The following RARB variants were observed in gnomAD, a reference collection of about 807,000 sequenced individuals.
RARB encodes the protein retinoic acid receptor beta.
Under a neutral mutation model 51.9 loss-of-function variants are expected in RARB, and 17 were observed. That is an observed-to-expected ratio of 0.33 (90% CI 0.22 to 0.49). The LOEUF (loss-of-function observed/expected upper bound fraction) is 0.49. RARB is among the 20% of genes least tolerant of loss of function. The probability of loss-of-function intolerance (pLI) is 0.99; values close to 1 mark genes in which losing one functional copy is unlikely to be tolerated. For synonymous variants in RARB, 215 were observed against 195.4 expected (o/e 1.10, Z -0.84); for missense variants, 369 against 550.8 (o/e 0.67, Z 3.30).
intron 4 of RARB, among the ~76,000 whole-genome samples, chr3:25,143,856 A>G (rs978970604): frequency 3.3e-5 from 5 of 152,152 alleles, no homozygotes; most frequent in Non-Finnish European, 7.3e-5. Context: ...AAATGAAGTG[A>G]TGTGTGAAAA....
chr3:25,170,212 G>A (rs115529591), intron 4 of RARB, among the ~76,000 whole-genome samples: 2,618 of 152,196 alleles, frequency 0.017, 35 homozygotes, highest in Middle Eastern at 0.045. Flanking sequence ...ATTCTCTGTG[G>A]CTGCTTTTGT....
At chr3:25,142,919 C>T (rs1700132996) in intron 4 of RARB, among the ~76,000 whole-genome samples, 1 of 152,008 alleles carries the variant, frequency 6.6e-6, no homozygotes, top group Non-Finnish European at 1.5e-5. Context: ...GATGGCTGAT[C>T]CAGTCTCAGA....
intron 2 of RARB, among the ~76,000 whole-genome samples, chr3:25,496,396 A>T (rs1697035299): frequency 6.6e-6 from 1 of 152,164 alleles, no homozygotes; most frequent in Non-Finnish European, 1.5e-5. Flanking sequence ...CACTGCCTGG[A>T]GGCCACCTTG....
chr3:24,939,724 C>T (rs1695619825), intron 2 of RARB, among the ~76,000 whole-genome samples: 1 of 152,136 alleles, frequency 6.6e-6, no homozygotes, highest in African/African-American at 2.4e-5. Context: ...TGAGCATGTT[C>T]TTTGTAAAAC....
At chr3:24,984,475 A>G (rs553174859) in intron 2 of RARB, among the ~76,000 whole-genome samples, 1 of 152,302 alleles carries the variant, frequency 6.6e-6, no homozygotes, top group East Asian at 1.9e-4. Flanking sequence ...TCTCTTTTAA[A>G]GTTAAACTAT....
At chr3:25,250,235 G>C (rs894038293) in intron 5 of RARB, among the ~76,000 whole-genome samples, 1 of 152,162 alleles carries the variant, frequency 6.6e-6, no homozygotes, top group Non-Finnish European at 1.5e-5. Flanking sequence ...GATGGGGCAG[G>C]GTGATCCCCA....
intron 2 of RARB, among the ~76,000 whole-genome samples, chr3:24,994,927 A>T (rs961355549): frequency 6.6e-6 from 1 of 152,016 alleles, no homozygotes; most frequent in Non-Finnish European, 1.5e-5. Context: ...GTAGTGTGAT[A>T]CTTCCAGCTT....
intron 5 of RARB, among the ~76,000 whole-genome samples, chr3:25,370,104 A>C (rs76160262): frequency 0.011 from 1,603 of 152,288 alleles, 35 homozygotes; most frequent in African/African-American, 0.036. Context: ...GCATATATAC[A>C]CACACATAGA....
In RARB at chr3:25,037,185, T is replaced by C. The variant is rs565306753; in HGVS notation, c.-379-22940T>C. Among the ~76,000 whole-genome samples, 10 of 152,262 alleles carry C rather than the reference T, an allele frequency of 6.6e-5. No homozygotes were observed. The East Asian group carries it at 1.9e-3, about 29-fold the overall frequency. On this transcript the variant is annotated intron_variant, in intron 2 of 11. Coordinates refer to the RARB transcript ENST00000383772. ...AGTATAAATAGCTCTGATTGACTTTTGTATCGTGCACATCTGGAAGCAATT... is the reference window on the plus strand; with the variant it reads ...AGTATAAATAGCTCTGATTGACTTTCGTATCGTGCACATCTGGAAGCAATT...
chr3:24,966,845 G>C (rs1696286004), intron 2 of RARB, among the ~76,000 whole-genome samples: 1 of 152,120 alleles, frequency 6.6e-6, no homozygotes, highest in African/African-American at 2.4e-5. Flanking sequence ...TCATTCAGGT[G>C]ATCATTATGT....
At chr3:25,438,155 TG>T (rs1708510963) in intron 1 of RARB, among the ~76,000 whole-genome samples, 1 of 152,206 alleles carries the variant, frequency 6.6e-6, no homozygotes, top group African/African-American at 2.4e-5. Flanking sequence ...GGGATCTGCA[TG>T]TGACTTGTGC....
chr3:25,455,139 G>A (rs1157784404), intron 1 of RARB, among the ~76,000 whole-genome samples: 1 of 152,254 alleles, frequency 6.6e-6, no homozygotes, highest in Non-Finnish European at 1.5e-5. Context: ...CGCAAGGAGA[G>A]AAGTTCAGAC....
intron 5 of RARB, among the ~76,000 whole-genome samples, chr3:25,389,886 G>A (rs1706900668): frequency 6.6e-6 from 1 of 152,182 alleles, no homozygotes; most frequent in Non-Finnish European, 1.5e-5. Flanking sequence ...TAATATTTGA[G>A]TCTTGAACAA....
At chr3:25,323,936 A>C (rs1704639995) in intron 5 of RARB, among the ~76,000 whole-genome samples, 1 of 152,200 alleles carries the variant, frequency 6.6e-6, no homozygotes, top group African/African-American at 2.4e-5. Flanking sequence ...ATAGGCAATC[A>C]AGGATCACCA....
intron 3 of RARB, among the ~76,000 whole-genome samples, chr3:25,511,800 C>T (rs999260457): frequency 1.3e-5 from 2 of 152,146 alleles, no homozygotes; most frequent in African/African-American, 4.8e-5. Context: ...ACTCTGTGCA[C>T]AACTTGAGGA....
upstream of RARB, among the ~76,000 whole-genome samples, chr3:25,425,140 A>C (rs1707955697): frequency 6.6e-6 from 1 of 152,248 alleles, no homozygotes; most frequent in Non-Finnish European, 1.5e-5. Context: ...CATAACAAGA[A>C]GATATTTGGG....
chr3:25,346,753 G>A (rs1705406954), intron 5 of RARB, among the ~76,000 whole-genome samples: 1 of 152,200 alleles, frequency 6.6e-6, no homozygotes, highest in African/African-American at 2.4e-5. Flanking sequence ...CTTGCTGGCA[G>A]TTGGGAGGGG....
At position 25,123,303 on chromosome 3, in the gene RARB, T is replaced by A. The variant is rs904934848; in HGVS notation, c.-327-8858T>A. On this transcript the variant is annotated intron_variant, in intron 3 of 11. Transcript: ENST00000383772. ...GCGTCAATTTTCAGGACTGAGCATC[T>A]GTTTAGGGGTGGAATAGTCATAGAA... 3.9e-5 allele frequency among the ~76,000 whole-genome samples: 6 copies of A among 152,192 alleles called. 1 individual carries two copies. Among genetic ancestry groups the A allele is most frequent in the Admixed American group, 3.9e-4 (6 of 15,280 alleles).
intron 4 of RARB, among the ~76,000 whole-genome samples, chr3:25,144,715 C>A (rs1235225634): frequency 6.6e-6 from 1 of 152,122 alleles, no homozygotes; most frequent in Non-Finnish European, 1.5e-5. Flanking sequence ...GCATACTTAG[C>A]AATGGTCTCA....
Sources: allele counts gnomAD v4.1 joint callset (sites outside exome capture counted in the v4.1 genomes callset), GRCh38; gene constraint gnomAD v4.1.1; transcripts MANE v1.5; gene names NCBI Gene and HGNC (gene_info 2026-07-23, HGNC 2026-07-21).